Variants in KCNAB1 observed in about 807,000 individuals in gnomAD.
KCNAB1 encodes potassium voltage-gated channel subfamily A regulatory beta subunit 1.
In KCNAB1, 35 loss-of-function variants were observed where a neutral mutation model predicts 64.6. The observed-to-expected ratio is 0.54, with a 90% confidence interval of 0.41 to 0.72. The LOEUF is 0.72. Among genes scored for constraint, KCNAB1 ranks in the 30% least tolerant of loss-of-function variants. KCNAB1 has a pLI of 0.00. For missense variants in KCNAB1, 401 were observed against 512.9 expected, an observed-to-expected ratio of 0.78 and a Z score of 2.11; for synonymous variants, 177 against 183.8, an observed-to-expected ratio of 0.96 and a Z score of 0.30.
chr3:156,147,934 T>C (rs1009889865), intron 1 of KCNAB1, among the ~76,000 whole-genome samples: 1 of 96,776 alleles, frequency 1.0e-5, no homozygotes, highest in Non-Finnish European at 2.1e-5. Context: ...TCCCACCACA[T>C]GCCAAGACAC....
At chr3:156,439,835 A>G (rs1461708096) in intron 2 of KCNAB1, among the ~76,000 whole-genome samples, 1 of 152,150 alleles carries the variant, frequency 6.6e-6, no homozygotes, top group African/African-American at 2.4e-5. Flanking sequence ...TTATTCTACC[A>G]TCATAACTCC....
intron 1 of KCNAB1, among the ~76,000 whole-genome samples, chr3:156,226,519 G>T (rs1716183961): frequency 6.6e-6 from 1 of 152,040 alleles, no homozygotes; most frequent in Admixed American, 6.5e-5. Context: ...TCATGACCAA[G>T]AACCCAAAAG....
chr3:156,147,178 T>G (rs1473293593), intron 1 of KCNAB1, among the ~76,000 whole-genome samples: 2 of 152,142 alleles, frequency 1.3e-5, no homozygotes, highest in Non-Finnish European at 2.9e-5. Flanking sequence ...CCAGCAGCAT[T>G]AAATTGTGAA....
At chr3:156,167,221 G>A (rs1711634234) in intron 1 of KCNAB1, among the ~76,000 whole-genome samples, 1 of 152,162 alleles carries the variant, frequency 6.6e-6, no homozygotes, top group Non-Finnish European at 1.5e-5. Flanking sequence ...GACCACAGGT[G>A]GCCAAGCTTG....
intron 4 of KCNAB1, among the ~76,000 whole-genome samples, chr3:156,459,381 G>T (rs568743940): frequency 6.6e-6 from 1 of 152,032 alleles, no homozygotes; most frequent in Non-Finnish European, 1.5e-5. Context: ...CCCACACATC[G>T]GTTCTCAGTT....
chr3:156,238,421 CAAAA>C (rs745633828), intron 1 of KCNAB1, among the ~76,000 whole-genome samples: 1 of 71,800 alleles, frequency 1.4e-5, no homozygotes, highest in Non-Finnish European at 2.9e-5. Context: ...GACTTGGTCT[CAAAA>C]AAAAAAAAAA....
intron 1 of KCNAB1, among the ~76,000 whole-genome samples, chr3:156,276,824 G>A (rs1378714989): frequency 6.6e-5 from 10 of 152,048 alleles, no homozygotes; most frequent in East Asian, 3.9e-4. Flanking sequence ...TATCCAAACC[G>A]CTAAAACTTT....
chr3:156,401,198 A>G (rs1713864937), intron 1 of KCNAB1, among the ~76,000 whole-genome samples: 1 of 152,210 alleles, frequency 6.6e-6, no homozygotes, highest in South Asian at 2.1e-4. Context: ...AACAGCCTCA[A>G]ACTGAAGTAG....
At chr3:156,211,304 A>G (rs1714987571) in intron 1 of KCNAB1, among the ~76,000 whole-genome samples, 1 of 152,226 alleles carries the variant, frequency 6.6e-6, no homozygotes, top group South Asian at 2.1e-4. Flanking sequence ...TTACTGCCTG[A>G]TGCATTCCAG....
chr3:156,268,584 T>C (rs983550000), intron 1 of KCNAB1, among the ~76,000 whole-genome samples: 5 of 152,198 alleles, frequency 3.3e-5, no homozygotes, highest in Non-Finnish European at 5.9e-5. Flanking sequence ...TGAGATGATA[T>C]CTCGTTGTTG....
chr3:156,352,867 G>A (rs1321955461), intron 1 of KCNAB1, among the ~76,000 whole-genome samples: 1 of 152,234 alleles, frequency 6.6e-6, no homozygotes, highest in Admixed American at 6.5e-5. Context: ...CTGCCTCAGG[G>A]ATTCTGCACA....
intron 1 of KCNAB1, among the ~76,000 whole-genome samples, chr3:156,124,200 G>A (rs1713512328): frequency 5.3e-5 from 8 of 150,736 alleles, no homozygotes; most frequent in Admixed American, 5.3e-4. Context: ...TATTTTCTTA[G>A]GATCTATTTC....
At chr3:156,524,592 C>A in intron 12 of KCNAB1, among the ~76,000 whole-genome samples, 1 of 151,374 alleles carries the variant, frequency 6.6e-6, no homozygotes, top group Non-Finnish European at 1.5e-5. Context: ...CTAAAAACAC[C>A]AAAAATTAGC....
At chr3:156,342,585 C>CTTTTTTTTTTTTTTTTTTTTTAT (rs1724195610) in intron 1 of KCNAB1, among the ~76,000 whole-genome samples, 1 of 86,254 alleles carries the variant, frequency 1.2e-5, no homozygotes, top group Non-Finnish European at 2.5e-5. Context: ...CTATGTGTTT[C>CTTTTTTTTTTTTTTTTTTTTTAT]TTTTTTTTTT....
chr3:156,261,863 G>A (rs916704650), intron 1 of KCNAB1, among the ~76,000 whole-genome samples: 20 of 151,912 alleles, frequency 1.3e-4, no homozygotes, highest in African/African-American at 4.8e-4. Context: ...TGCCAGTTCA[G>A]GAATATGAAC....
chr3:156,386,254 T>C (rs1712580512), intron 1 of KCNAB1, among the ~76,000 whole-genome samples: 1 of 152,164 alleles, frequency 6.6e-6, no homozygotes, highest in South Asian at 2.1e-4. Context: ...CCTAGGACTT[T>C]ATACGCTGGC....
At chr3:156,339,610 C>A (rs1723964346) in intron 1 of KCNAB1, among the ~76,000 whole-genome samples, 1 of 152,184 alleles carries the variant, frequency 6.6e-6, no homozygotes, top group Admixed American at 6.5e-5. Context: ...AAAAGGCCAG[C>A]CTGTTTTGTG....
intron 1 of KCNAB1, among the ~76,000 whole-genome samples, chr3:156,360,436 A>G (rs1420992767): frequency 6.6e-6 from 1 of 152,174 alleles, no homozygotes; most frequent in African/African-American, 2.4e-5. Flanking sequence ...TTAGCTGGGC[A>G]CACTGGCTCA....
chr3:156,436,031 C>T (rs775555203), intron 2 of KCNAB1, among the ~76,000 whole-genome samples: 2 of 152,048 alleles, frequency 1.3e-5, no homozygotes, highest in African/African-American at 2.4e-5. Context: ...AGTATTAAGC[C>T]CCGCATGCAT....
Sources: allele counts gnomAD v4.1 joint callset (sites outside exome capture counted in the v4.1 genomes callset), GRCh38; gene constraint gnomAD v4.1.1; transcripts MANE v1.5; gene names NCBI Gene and HGNC (gene_info 2026-07-23, HGNC 2026-07-21).